CHRM3: variants seen among roughly 807,000 people sequenced by gnomAD.
CHRM3 encodes the protein muscarinic acetylcholine receptor M3.
A neutral mutation model predicts 41.8 loss-of-function variants in CHRM3; 11 were observed. The ratio of observed to expected loss-of-function variants is 0.26; its 90% CI spans 0.17 to 0.44. CHRM3 has a LOEUF of 0.44. Among genes scored for constraint, CHRM3 ranks in the 20% least tolerant of loss-of-function variants. The pLI is 1.00. For missense variants in CHRM3, 571 were observed against 745.4 expected (o/e 0.77, Z 2.72); for synonymous variants, 297 against 301.4 (o/e 0.99, Z 0.15).
At chr1:239,479,835 C>G (rs1205660521) in intron 1 of CHRM3, among the ~76,000 whole-genome samples, 1 of 152,140 alleles carries the variant, frequency 6.6e-6, no homozygotes, top group Non-Finnish European at 1.5e-5. Context: ...GCAAGTTGCT[C>G]TAGGTGAGTC....
chr1:239,763,691 A>T (rs1327275411), intron 5 of CHRM3, among the ~76,000 whole-genome samples: 1 of 152,086 alleles, frequency 6.6e-6, no homozygotes, highest in Non-Finnish European at 1.5e-5. Context: ...GAATCATTTC[A>T]ATATTCAAGA....
At chr1:239,843,571 A>C (rs1383447234) in intron 6 of CHRM3, among the ~76,000 whole-genome samples, 2 of 151,612 alleles carry the variant, frequency 1.3e-5, no homozygotes, top group African/African-American at 2.4e-5. Flanking sequence ...AAATCTAGCA[A>C]AATATTTAGT....
chr1:239,429,776 G>A (rs1013346846), intron 1 of CHRM3, among the ~76,000 whole-genome samples: 5 of 141,556 alleles, frequency 3.5e-5, no homozygotes, highest in Middle Eastern at 3.4e-3. Flanking sequence ...CCATCTTCTC[G>A]TAGGGAGTTT....
chr1:239,435,654 A>G lies in CHRM3; in HGVS notation c.-521+48427A>G, dbSNP rs576062218. Among the ~76,000 whole-genome samples the G allele has an allele frequency of 2.0e-5, 3 of 152,186 alleles. No individual in the cohort carries two copies. The East Asian group carries it at 5.8e-4, about 29-fold the overall frequency. On this transcript the variant is annotated intron_variant, in intron 1 of 6. Coordinates refer to ENST00000676153, the MANE Select transcript of CHRM3 (RefSeq NM_001375978.1). The stretch of plus-strand genomic sequence containing the variant: ...CTTTTTGGTAAGTGTCCATACTTAA[A>G]AAAAAGTGTGCGCAGTGTTTTCTGT...
At chr1:239,468,025 C>T (rs1480800671) in intron 1 of CHRM3, among the ~76,000 whole-genome samples, 1 of 151,988 alleles carries the variant, frequency 6.6e-6, no homozygotes, top group Non-Finnish European at 1.5e-5. Flanking sequence ...AGCACATGGC[C>T]CTTACACTTT....
At chr1:239,541,845 G>A (rs1558304152) in intron 2 of CHRM3, among the ~76,000 whole-genome samples, 1 of 152,086 alleles carries the variant, frequency 6.6e-6, no homozygotes, top group Non-Finnish European at 1.5e-5. Context: ...CACCAAGATT[G>A]CCTTTCTGTC....
intron 5 of CHRM3, among the ~76,000 whole-genome samples, chr1:239,698,868 A>C (rs1036509454): frequency 1.3e-5 from 2 of 152,204 alleles, no homozygotes; most frequent in Non-Finnish European, 2.9e-5. Context: ...GCACTTCAAA[A>C]GTAATAGAAT....
intron 6 of CHRM3, among the ~76,000 whole-genome samples, chr1:239,844,637 G>A (rs1674115430): frequency 6.6e-6 from 1 of 152,222 alleles, no homozygotes; most frequent in Middle Eastern, 3.4e-3. Context: ...TTTACCTAGG[G>A]TTTATGATAG....
chr1:239,789,128 G>A (rs971102186), intron 5 of CHRM3, among the ~76,000 whole-genome samples: 1 of 152,104 alleles, frequency 6.6e-6, no homozygotes, highest in Non-Finnish European at 1.5e-5. Flanking sequence ...TGTCTTCGTT[G>A]CACCCATTCA....
chr1:239,444,969 T>C (rs2103276660), intron 1 of CHRM3, among the ~76,000 whole-genome samples: 1 of 152,254 alleles, frequency 6.6e-6, no homozygotes, highest in Middle Eastern at 3.4e-3. Flanking sequence ...GAGAGGAGGA[T>C]CAGCAGATCA....
chr1:239,737,884 C>T (rs764941204), intron 5 of CHRM3, among the ~76,000 whole-genome samples: 4 of 151,970 alleles, frequency 2.6e-5, no homozygotes, highest in Non-Finnish European at 5.9e-5. Context: ...AGAACACATA[C>T]GGGCAATTAA....
chr1:239,411,914 G>A (rs1034337373), intron 1 of CHRM3, among the ~76,000 whole-genome samples: 4 of 151,622 alleles, frequency 2.6e-5, no homozygotes, highest in Non-Finnish European at 5.9e-5. Flanking sequence ...TTCTTAGGCT[G>A]TTTTTTCTGT....
chr1:239,667,367 G>T (rs954073741), intron 4 of CHRM3, among the ~76,000 whole-genome samples: 1 of 152,012 alleles, frequency 6.6e-6, no homozygotes, highest in Non-Finnish European at 1.5e-5. Flanking sequence ...CCAATGTCCC[G>T]CATATCCCAT....
intron 1 of CHRM3, among the ~76,000 whole-genome samples, chr1:239,471,285 AGAG>A (rs1415974837): frequency 1.3e-5 from 2 of 152,172 alleles, no homozygotes; most frequent in South Asian, 2.1e-4. Flanking sequence ...TAACTGAGCT[AGAG>A]GAGAGAGCTG....
intron 3 of CHRM3, among the ~76,000 whole-genome samples, chr1:239,582,125 G>T (rs956118633): frequency 2.6e-5 from 4 of 152,068 alleles, no homozygotes; most frequent in Non-Finnish European, 5.9e-5. Context: ...GTAAAACTAT[G>T]CTCTATGTAC....
chr1:239,643,032 C>G (rs1397780964), intron 4 of CHRM3, among the ~76,000 whole-genome samples: 2 of 152,192 alleles, frequency 1.3e-5, no homozygotes, highest in African/African-American at 4.8e-5. Flanking sequence ...GAGGTCCACT[C>G]CAGACCCTGT....
chr1:239,390,580 G>A (rs896957409), intron 1 of CHRM3, among the ~76,000 whole-genome samples: 40 of 151,238 alleles, frequency 2.6e-4, no homozygotes, highest in Middle Eastern at 6.9e-3. Context: ...GGGTGTGCAG[G>A]TATGAAAGGC....
At chr1:239,796,809 T>G (rs548677566) in intron 5 of CHRM3, among the ~76,000 whole-genome samples, 1 of 152,270 alleles carries the variant, frequency 6.6e-6, no homozygotes, top group African/African-American at 2.4e-5. Flanking sequence ...TAGTGTACAT[T>G]GTACCCAGTG....
intron 5 of CHRM3, among the ~76,000 whole-genome samples, chr1:239,795,694 G>A (rs575775896): frequency 1.3e-5 from 2 of 152,292 alleles, no homozygotes; most frequent in East Asian, 1.9e-4. Context: ...CTTAATGGAT[G>A]TACTGTCACC....
Sources: gnomAD v4.1 joint callset for allele counts (sites outside exome capture counted in the v4.1 genomes callset) on GRCh38, gnomAD v4.1.1 for gene constraint, MANE v1.5 for transcripts, NCBI Gene and HGNC (gene_info 2026-07-23, HGNC 2026-07-21) for gene names.